CDH12: variants seen among roughly 807,000 people sequenced by gnomAD.
CDH12 encodes the protein cadherin 12.
In CDH12, 41 loss-of-function variants were observed where a neutral mutation model predicts 74.1. The observed-to-expected ratio is 0.55, with a 90% CI of 0.43 to 0.72. The LOEUF is 0.72. CDH12 is among the 30% of genes least tolerant of loss of function. CDH12 has a pLI of 0.00. For missense variants in CDH12, 945 were observed against 977.2 expected, an observed-to-expected ratio of 0.97 and a Z score of 0.44; for synonymous variants, 399 against 355.0, an observed-to-expected ratio of 1.12 and a Z score of -1.39.
chr5:21,857,126 C>G lies in CDH12; in HGVS notation c.527-2336G>C, dbSNP rs563616458. On this transcript the variant is annotated intron_variant, in intron 6 of 14. Coordinates refer to ENST00000382254, the MANE Select transcript of CDH12 (RefSeq NM_004061.5). ...GAGCATGCAAATCTCCGAGGACTAC[C>G]TTTTTCAGTGCTTGGATAGCACACC... Among the ~76,000 whole-genome samples the G allele has an allele frequency of 2.1e-4, 32 of 151,870 alleles. 1 individual carries two copies. The South Asian group carries it at 2.7e-3, about 13-fold the overall frequency.
chr5:22,508,629 G>A (rs1257251609), intron 1 of CDH12, among the ~76,000 whole-genome samples: 1 of 152,098 alleles, frequency 6.6e-6, no homozygotes, highest in Admixed American at 6.5e-5. Flanking sequence ...AAGAACCTTG[G>A]TCTCCACAAT....
At chr5:21,937,369 G>A (rs1490485133) in intron 6 of CDH12, among the ~76,000 whole-genome samples, 1 of 152,130 alleles carries the variant, frequency 6.6e-6, no homozygotes, top group African/African-American at 2.4e-5. Flanking sequence ...TACAGCCAGA[G>A]AAGAGAGAGA....
At chr5:21,893,858 GA>G (rs1483020864) in intron 6 of CDH12, among the ~76,000 whole-genome samples, 1 of 152,096 alleles carries the variant, frequency 6.6e-6, no homozygotes, top group African/African-American at 2.4e-5. Flanking sequence ...CTGCCAGTGA[GA>G]TTTTTTTTCT....
At chr5:22,778,114 AT>A (rs367585244) in intron 1 of CDH12, among the ~76,000 whole-genome samples, 2 of 151,972 alleles carry the variant, frequency 1.3e-5, no homozygotes, top group Admixed American at 6.6e-5. Context: ...CAGATATTAC[AT>A]TTTTTTGTTT....
intron 3 of CDH12, among the ~76,000 whole-genome samples, chr5:22,275,747 T>A (rs1736606357): frequency 6.6e-6 from 1 of 152,188 alleles, no homozygotes; most frequent in African/African-American, 2.4e-5. Context: ...GTGACTTCCA[T>A]CAAAGTCATA....
At chr5:22,464,304 T>C (rs952749876) in intron 2 of CDH12, among the ~76,000 whole-genome samples, 2 of 152,198 alleles carry the variant, frequency 1.3e-5, no homozygotes, top group Non-Finnish European at 2.9e-5. Flanking sequence ...TATGTCTTTA[T>C]CAGCAGTGTG....
intron 2 of CDH12, among the ~76,000 whole-genome samples, chr5:22,439,786 G>T (rs1207753907): frequency 6.6e-6 from 1 of 152,052 alleles, no homozygotes; most frequent in Admixed American, 6.6e-5. Flanking sequence ...TTTTTCTAAA[G>T]AATCTGATAA....
intron 3 of CDH12, among the ~76,000 whole-genome samples, chr5:22,315,118 G>GTTTTTTT (rs1344184080): frequency 1.1e-4 from 1 of 9,396 alleles, no homozygotes; most frequent in African/African-American, 3.0e-4. Flanking sequence ...TGCCTGCCTG[G>GTTTTTTT]CTTTTTTTTT....
intron 6 of CDH12, among the ~76,000 whole-genome samples, chr5:21,859,267 A>G (rs1750908116): frequency 6.6e-6 from 1 of 151,948 alleles, no homozygotes; most frequent in South Asian, 2.1e-4. Flanking sequence ...CAGGAAACTT[A>G]CAATCAGGAG....
intron 5 of CDH12, among the ~76,000 whole-genome samples, chr5:21,996,117 T>G (rs1450670184): frequency 3.6e-5 from 3 of 82,362 alleles, no homozygotes; most frequent in Non-Finnish European, 6.2e-5. Context: ...TTTTTTTTTT[T>G]TTTTTTTTTT....
At position 21,954,092 on chromosome 5, in the gene CDH12, GAATATAT is replaced by G. The variant is rs372748953; in HGVS notation, c.526+20992_526+20998del. On this transcript the variant is annotated intron_variant, in intron 6 of 14. Coordinates refer to ENST00000382254, the MANE Select transcript of CDH12 (RefSeq NM_004061.5). ...CTTTCAATAGCACATGATTTAATCA[GAATATAT>G]AATACTGTTGAGCACATAAATATTA... Among the ~76,000 whole-genome samples, 1,087 of 152,062 alleles carry G rather than the reference GAATATAT, an allele frequency of 7.1e-3. 15 individuals are homozygous for G. The highest frequency in any genetic ancestry group is 0.025 in the African/African-American group (1,038 of 41,490).
rs563295530 is a variant in CDH12, at chr5:22,625,776, C to T, written c.-522-120412G>A. On this transcript the variant is annotated intron_variant, in intron 1 of 14. Transcript: ENST00000382254. ...TTCCTGGAGGCCCTCATCATAGCTC[C>T]TTTCCTGGCAGACCACACCTGACCA... Among the ~76,000 whole-genome samples, 3 of 152,254 alleles carry T rather than the reference C, an allele frequency of 2.0e-5. No individual in the cohort carries two copies. In the East Asian group the frequency reaches 5.8e-4, roughly 30 times the overall value.
intron 5 of CDH12, among the ~76,000 whole-genome samples, chr5:22,017,437 T>G (rs763607251): frequency 6.6e-6 from 1 of 152,138 alleles, no homozygotes; most frequent in Non-Finnish European, 1.5e-5. Context: ...AAAACTTCAA[T>G]CCAGCTGCTA....
At position 22,200,415 on chromosome 5, in the gene CDH12, G is replaced by T. The variant is rs186748571; in HGVS notation, c.-187+12083C>A. Among the ~76,000 whole-genome samples the T allele has an allele frequency of 3.8e-3, 584 of 152,232 alleles. 2 individuals carry two copies. Among genetic ancestry groups the T allele is most frequent in the Non-Finnish European group, 6.2e-3 (421 of 67,992 alleles). ...AAAATTGACGTGTGAGTTAAAATAT[G>T]CATGTTCATTGATCACAAATGGATG... On this transcript the variant is annotated intron_variant, in intron 4 of 14. Transcript: ENST00000382254.
chr5:22,723,245 T>C (rs903099827), intron 1 of CDH12, among the ~76,000 whole-genome samples: 8 of 152,076 alleles, frequency 5.3e-5, no homozygotes, highest in Non-Finnish European at 5.9e-5. Flanking sequence ...AAAAATAAAC[T>C]CACTTCTTCA....
intron 3 of CDH12, among the ~76,000 whole-genome samples, chr5:22,394,511 G>C (rs1024263038): frequency 3.9e-5 from 6 of 152,226 alleles, no homozygotes; most frequent in Non-Finnish European, 7.4e-5. Flanking sequence ...AATGGGTGTA[G>C]AAACTAAAGC....
chr5:21,980,411 C>T lies in CDH12; in HGVS notation c.232-5026G>A, dbSNP rs574858949. On this transcript the variant is annotated intron_variant, in intron 5 of 14. Transcript: ENST00000382254. ...AGGGTAAAAAATAAAAAAGTTATTA[C>T]AAAACATTTTTTAAGGAATTTTCCA... Among the ~76,000 whole-genome samples, 5 of 152,122 alleles carry T rather than the reference C, an allele frequency of 3.3e-5. No homozygotes were observed. The South Asian group carries it at 1.0e-3, about 32-fold the overall frequency.
chr5:22,303,159 A>G (rs1348889613), intron 3 of CDH12, among the ~76,000 whole-genome samples: 2 of 152,132 alleles, frequency 1.3e-5, no homozygotes, highest in Non-Finnish European at 2.9e-5. Context: ...AAGACATCTC[A>G]TTGAGAAAGG....
intron 7 of CDH12, among the ~76,000 whole-genome samples, chr5:21,851,755 A>C (rs1223596532): frequency 6.6e-6 from 1 of 151,348 alleles, no homozygotes; most frequent in Non-Finnish European, 1.5e-5. Flanking sequence ...AGAATGTATC[A>C]ATTTATATTG....
Sources: gnomAD v4.1 joint callset for allele counts (sites outside exome capture counted in the v4.1 genomes callset) on GRCh38, gnomAD v4.1.1 for gene constraint, MANE v1.5 for transcripts, NCBI Gene and HGNC (gene_info 2026-07-23, HGNC 2026-07-21) for gene names.